The following HERC3 variants were observed in gnomAD, a reference collection of about 807,000 sequenced individuals.
HERC3 encodes the protein probable E3 ubiquitin-protein ligase HERC3.
Under a neutral mutation model 129.9 loss-of-function variants are expected in HERC3, and 58 were observed. That is an observed-to-expected ratio of 0.45 (90% CI 0.36 to 0.56). HERC3 has a LOEUF of 0.56. HERC3 is among the 20% of genes least tolerant of loss of function. The probability of loss-of-function intolerance (pLI) is 0.00; values close to 1 mark genes in which losing one functional copy is unlikely to be tolerated. For missense variants in HERC3, 835 were observed against 1,244.2 expected (o/e 0.67, Z 4.95); for synonymous variants, 430 against 451.0 (o/e 0.95, Z 0.59).
chr4:88,641,246 AAT>A (rs1174160221), intron 3 of HERC3, among the ~76,000 whole-genome samples: 1 of 152,228 alleles, frequency 6.6e-6, no homozygotes, highest in African/African-American at 2.4e-5. Flanking sequence ...GAAATCTAAA[AAT>A]ATTTTGAACT....
chr4:88,543,733 T>C, the HERC3 span, among the ~76,000 whole-genome samples: 1 of 152,066 alleles, frequency 6.6e-6, no homozygotes, highest in Non-Finnish European at 1.5e-5. Context: ...TATAGACCAA[T>C]GGAACAGAAC....
At chr4:88,632,398 C>G (rs961933814) in intron 3 of HERC3, among the ~76,000 whole-genome samples, 1 of 152,156 alleles carries the variant, frequency 6.6e-6, no homozygotes, top group South Asian at 2.1e-4. Context: ...CAAAATTATT[C>G]AGCATAGGAA....
At chr4:88,627,470 A>G (rs1726229420) in intron 3 of HERC3, among the ~76,000 whole-genome samples, 1 of 152,172 alleles carries the variant, frequency 6.6e-6, no homozygotes, top group Admixed American at 6.5e-5. Context: ...TTATATGCAA[A>G]TACTGTGACA....
At chr4:88,634,618 C>A (rs144694272) in intron 3 of HERC3, among the ~76,000 whole-genome samples, 4 of 151,402 alleles carry the variant, frequency 2.6e-5, no homozygotes, top group African/African-American at 7.3e-5. Flanking sequence ...GCACAGCACA[C>A]CCCCTCCACC....
At chr4:88,593,476 C>T (rs1721982325) in intron 1 of HERC3, 1 of 152,232 alleles carries the variant, frequency 6.6e-6, no homozygotes, top group Admixed American at 6.5e-5. Flanking sequence ...GTGTATGCAG[C>T]ATGAGCTCCA....
chr4:88,579,792 T>C, the HERC3 span, among the ~76,000 whole-genome samples: 8 of 152,216 alleles, frequency 5.3e-5, no homozygotes, highest in African/African-American at 1.9e-4. Context: ...CTATCTTGGA[T>C]GAACATGGTT....
At chr4:88,541,951 G>A in the HERC3 span, among the ~76,000 whole-genome samples, 34 of 152,320 alleles carry the variant, frequency 2.2e-4, no homozygotes, top group African/African-American at 8.2e-4. Context: ...AAAGCAGTGT[G>A]TGGAGGGAAA....
In HERC3 at chr4:88,687,273, T is replaced by C. The variant is rs528721157; in HGVS notation, c.2631T>C (p.Asp877=). The C allele has an allele frequency of 1.9e-6, 3 of 1,612,504 alleles. No individual in the cohort carries two copies. Among genetic ancestry groups the C allele is most frequent in the Non-Finnish European group, 2.5e-6 (3 of 1,178,766 alleles). Residue 877 remains aspartate, a synonymous_variant, in exon 23 of 26, where the codon GAT becomes GAC. Coordinates refer to ENST00000402738, the MANE Select transcript of HERC3 (RefSeq NM_014606.3). Reference sequence around the variant, plus strand: ...AGAAGAAGCTGATACCTGGGGGAGATAATGTAACTGTGTGCAAGGATAACA... The same window carrying C: ...AGAAGAAGCTGATACCTGGGGGAGACAATGTAACTGTGTGCAAGGATAACA... ...IEQKKLIPGG[D]NVTVCKDNRQ... is the part of the protein sequence containing the mutation.
chr4:88,615,404 A>G (rs761739463), intron 3 of HERC3, among the ~76,000 whole-genome samples: 1 of 152,194 alleles, frequency 6.6e-6, no homozygotes, highest in Non-Finnish European at 1.5e-5. Flanking sequence ...GAAATCTTTG[A>G]TAACCCTCTA....
chr4:88,694,159 T>C (rs949087375), intron 23 of HERC3, among the ~76,000 whole-genome samples: 4 of 152,148 alleles, frequency 2.6e-5, no homozygotes, highest in African/African-American at 9.7e-5. Context: ...GGAACACTTG[T>C]CTCTAGACCC....
the HERC3 span, among the ~76,000 whole-genome samples, chr4:88,546,319 C>T: frequency 1.6e-4 from 25 of 152,178 alleles, no homozygotes; most frequent in African/African-American, 5.5e-4. Context: ...TCATTTAACA[C>T]TGCACCTCTG....
chr4:88,704,284 A>T lies in HERC3; in HGVS notation c.2841+3A>T. On this transcript the variant is annotated splice_donor_region_variant and intron_variant, in intron 24 of 25. Transcript: ENST00000402738. ...ACAACTGGGAAGAACTGGAAGAGGT[A>T]AGCACAAAAGATCCTTTAACTCCTT... The T allele has an allele frequency of 6.2e-7, 1 of 1,613,868 alleles. No individual in the cohort carries two copies. The highest frequency in any genetic ancestry group is 8.5e-7 in the Non-Finnish European group (1 of 1,179,810).
chr4:88,625,499 TATG>T (rs921309477), intron 3 of HERC3, among the ~76,000 whole-genome samples: 24 of 152,186 alleles, frequency 1.6e-4, no homozygotes, highest in Non-Finnish European at 3.1e-4. Flanking sequence ...TATTTAGAAA[TATG>T]ATTGATTTTT....
intron 6 of HERC3, among the ~76,000 whole-genome samples, chr4:88,653,413 A>C (rs1729507711): frequency 6.6e-6 from 1 of 152,232 alleles, no homozygotes; most frequent in East Asian, 1.9e-4. Context: ...TGGGTGAAAA[A>C]TGTTCCTGTC....
chr4:88,687,162 G>C, intron 22 of HERC3, 55 bp from the exon 23 acceptor site: 1 of 1,383,848 alleles, frequency 7.2e-7, no homozygotes, highest in Non-Finnish European at 1.0e-6. Flanking sequence ...TTGAGTTCTA[G>C]AAAGATGAAT....
intron 23 of HERC3, chr4:88,693,284 A>G (rs1734260704): frequency 2.1e-6 from 2 of 974,706 alleles, no homozygotes; most frequent in South Asian, 4.7e-5. Context: ...CTTTTTAATG[A>G]TAAGGTCTCA....
intron 2 of HERC3, among the ~76,000 whole-genome samples, chr4:88,603,357 G>A (rs1263934975): frequency 6.6e-6 from 1 of 151,850 alleles, no homozygotes; most frequent in Non-Finnish European, 1.5e-5. Flanking sequence ...ATGGGCACCC[G>A]CCACCACGCC....
intron 18 of HERC3, 119 bp from the exon 19 acceptor site, chr4:88,677,845 G>GA: frequency 3.7e-6 from 3 of 814,122 alleles, no homozygotes; most frequent in Admixed American, 5.0e-5. Context: ...AGTTAAGAGG[G>GA]AAAAAAATTA....
chr4:88,602,709 G>T (rs930571018), intron 2 of HERC3, among the ~76,000 whole-genome samples: 1 of 151,968 alleles, frequency 6.6e-6, no homozygotes, highest in African/African-American at 2.4e-5. Context: ...CAAACTCCTG[G>T]GCTTAAGCTG....
Sources: allele counts gnomAD v4.1 joint callset (sites outside exome capture counted in the v4.1 genomes callset), GRCh38; gene constraint gnomAD v4.1.1; transcripts MANE v1.5; gene names NCBI Gene and HGNC (gene_info 2026-07-23, HGNC 2026-07-21).